Variants in NRXN3 observed in about 807,000 individuals in gnomAD.
NRXN3 encodes neurexin 3, also known as neurexin III.
A neutral mutation model predicts 137.6 loss-of-function variants in NRXN3; 32 were observed. The observed-to-expected ratio is 0.23, with a 90% CI of 0.18 to 0.31. The LOEUF is 0.31. Ranked by LOEUF, NRXN3 falls within the 10% of genes least tolerant of loss-of-function variation. NRXN3 has a pLI of 1.00. For missense variants in NRXN3, 1,574 were observed against 2,062.5 expected, an observed-to-expected ratio of 0.76 and a Z score of 4.59; for synonymous variants, 798 against 784.5, an observed-to-expected ratio of 1.02 and a Z score of -0.29.
At chr14:78,911,136 CA>C (rs1216107343) in intron 10 of NRXN3, among the ~76,000 whole-genome samples, 3 of 152,128 alleles carry the variant, frequency 2.0e-5, no homozygotes, top group African/African-American at 7.2e-5. Flanking sequence ...TAAATTTTTA[CA>C]TATAATCTCA....
chr14:78,217,946 C>T (rs970219594), intron 1 of NRXN3, among the ~76,000 whole-genome samples: 2 of 152,178 alleles, frequency 1.3e-5, no homozygotes, highest in African/African-American at 2.4e-5. Flanking sequence ...CAGGCATAAG[C>T]CCCCACATCT....
Position 79,645,631 on chromosome 14 carries a change from GT to G in NRXN3, c.3445-18140del, listed in dbSNP as rs1286514976. Among the ~76,000 whole-genome samples the G allele has an allele frequency of 1.1e-4, 14 of 126,682 alleles. 2 individuals carry two copies. The highest frequency in any genetic ancestry group is 2.5e-4 in the Admixed American group (3 of 11,788). The allele number at this position is 126,682 out of a possible 152,430, so 83.1% of individuals were successfully genotyped here. ...CTCTGTCTCAAAAAAAAAAAAAAAA[GT>G]TTTTTTCGTGTCGGTATTAATGCCT... On this transcript the variant is annotated intron_variant, in intron 16 of 20. Coordinates refer to ENST00000335750, the MANE Select transcript of NRXN3 (RefSeq NM_001330195.2).
At chr14:78,460,674 G>T (rs2094897031) in intron 4 of NRXN3, among the ~76,000 whole-genome samples, 1 of 152,190 alleles carries the variant, frequency 6.6e-6, no homozygotes, top group Non-Finnish European at 1.5e-5. Flanking sequence ...TAAAAATGAG[G>T]CTGGCTATGT....
intron 16 of NRXN3, among the ~76,000 whole-genome samples, chr14:79,509,455 G>A (rs1567332909): frequency 6.6e-6 from 1 of 151,900 alleles, no homozygotes; most frequent in Non-Finnish European, 1.5e-5. Context: ...GGCGGAGGCT[G>A]CAGTGAGCCA....
intron 15 of NRXN3, chr14:79,280,034 C>T (rs773217116): frequency 2.6e-5 from 34 of 1,293,322 alleles, no homozygotes; most frequent in Non-Finnish European, 3.0e-5. Flanking sequence ...GTTTGCTATA[C>T]CTGGGAGGAC....
chr14:78,605,221 A>G (rs1376826519), intron 4 of NRXN3, among the ~76,000 whole-genome samples: 1 of 152,154 alleles, frequency 6.6e-6, no homozygotes, highest in East Asian at 1.9e-4. Context: ...TATTTTGATG[A>G]GACAACTCAC....
chr14:78,630,628 G>A (rs1360787058), intron 4 of NRXN3, among the ~76,000 whole-genome samples: 4 of 141,302 alleles, frequency 2.8e-5, no homozygotes, highest in Non-Finnish European at 4.5e-5. Context: ...TTTTTGAGAC[G>A]GAGTCTCATT....
chr14:78,220,554 G>A (rs1246914666), intron 1 of NRXN3, among the ~76,000 whole-genome samples: 1 of 152,130 alleles, frequency 6.6e-6, no homozygotes, highest in African/African-American at 2.4e-5. Context: ...GGGAGAGATG[G>A]AGATGATGAG....
At chr14:79,478,510 A>G (rs2096579650) in intron 16 of NRXN3, among the ~76,000 whole-genome samples, 1 of 152,026 alleles carries the variant, frequency 6.6e-6, no homozygotes, top group Admixed American at 6.6e-5. Context: ...CACGGGCATC[A>G]TTAACTTTGA....
intron 15 of NRXN3, among the ~76,000 whole-genome samples, chr14:79,141,685 C>G (rs761784583): frequency 6.6e-6 from 1 of 152,154 alleles, no homozygotes; most frequent in Non-Finnish European, 1.5e-5. Context: ...TTTCTGAAAC[C>G]ATCCTGAGAA....
intron 16 of NRXN3, among the ~76,000 whole-genome samples, chr14:79,569,401 C>G (rs549087123): frequency 6.6e-6 from 1 of 152,074 alleles, no homozygotes; most frequent in Admixed American, 6.5e-5. Flanking sequence ...AATGAGCAGG[C>G]GCTGCCTCCC....
intron 15 of NRXN3, among the ~76,000 whole-genome samples, chr14:79,181,355 A>G (rs145839238): frequency 3.4e-4 from 51 of 152,208 alleles, no homozygotes; most frequent in African/African-American, 1.2e-3. Context: ...TAACTAGGGT[A>G]ATATAAAATA....
intron 15 of NRXN3, among the ~76,000 whole-genome samples, chr14:79,169,667 C>A (rs2061597416): frequency 6.6e-6 from 1 of 152,030 alleles, no homozygotes; most frequent in Admixed American, 6.6e-5. Context: ...TCCTGTATGC[C>A]CATAATCCAC....
At chr14:78,220,539 A>G (rs1294621904) in intron 1 of NRXN3, among the ~76,000 whole-genome samples, 3 of 152,152 alleles carry the variant, frequency 2.0e-5, no homozygotes, top group Non-Finnish European at 2.9e-5. Context: ...GGATGAGGAT[A>G]GAAAGGGAGA....
At chr14:79,765,848 A>G (rs548709560) in intron 19 of NRXN3, among the ~76,000 whole-genome samples, 1 of 152,208 alleles carries the variant, frequency 6.6e-6, no homozygotes, top group South Asian at 2.1e-4. Flanking sequence ...TACTTTTTAC[A>G]TTCTTTTTTC....
intron 10 of NRXN3, among the ~76,000 whole-genome samples, chr14:78,924,583 C>T (rs1005425910): frequency 6.6e-6 from 1 of 152,042 alleles, no homozygotes; most frequent in African/African-American, 2.4e-5. Context: ...GGGCTGTGCT[C>T]AATAAATTAT....
intron 15 of NRXN3, among the ~76,000 whole-genome samples, chr14:79,177,226 A>G (rs2062434771): frequency 6.6e-6 from 1 of 152,200 alleles, no homozygotes; most frequent in South Asian, 2.1e-4. Flanking sequence ...TTTCTTTGGC[A>G]TGTTTAAAAC....
chr14:78,528,376 T>C (rs2096411038), intron 4 of NRXN3, among the ~76,000 whole-genome samples: 1 of 152,138 alleles, frequency 6.6e-6, no homozygotes, highest in Non-Finnish European at 1.5e-5. Flanking sequence ...TTGCTTTACA[T>C]CTCCACACTC....
intron 16 of NRXN3, among the ~76,000 whole-genome samples, chr14:79,471,959 C>T (rs1443335036): frequency 1.3e-5 from 2 of 152,010 alleles, no homozygotes; most frequent in African/African-American, 2.4e-5. Flanking sequence ...GCTTAATATC[C>T]ATTAGTTATT....
Sources: gnomAD v4.1 joint callset for allele counts (sites outside exome capture counted in the v4.1 genomes callset) on GRCh38, gnomAD v4.1.1 for gene constraint, MANE v1.5 for transcripts, NCBI Gene and HGNC (gene_info 2026-07-23, HGNC 2026-07-21) for gene names.